Variants in NPAS3 observed in about 807,000 individuals in gnomAD.
The protein encoded by NPAS3 is neuronal PAS domain-containing protein 3.
Under a neutral mutation model 73.1 loss-of-function variants are expected in NPAS3, and 14 were observed. The observed-to-expected ratio is 0.19, with a 90% CI of 0.13 to 0.30. NPAS3 has a LOEUF of 0.30. NPAS3 is among the 10% of genes least tolerant of loss of function. The probability of loss-of-function intolerance (pLI) is 1.00; values close to 1 mark genes in which losing one functional copy is unlikely to be tolerated. For synonymous variants in NPAS3, 620 were observed against 541.5 expected (o/e 1.14, Z -2.01); for missense variants, 1,096 against 1,250.0 (o/e 0.88, Z 1.86).
At chr14:32,945,606 G>A (rs950823166) in intron 1 of NPAS3, among the ~76,000 whole-genome samples, 13 of 152,152 alleles carry the variant, frequency 8.5e-5, no homozygotes, top group African/African-American at 2.7e-4. Flanking sequence ...TAACACCAGT[G>A]TGGAAGGGCC....
chr14:33,680,671 A>C (rs1009741062), intron 6 of NPAS3: 5 of 702,346 alleles, frequency 7.1e-6, no homozygotes, highest in Non-Finnish European at 1.3e-5. Context: ...ACATGCCTGG[A>C]TCCTACTTCA....
chr14:32,964,098 A>C (rs891028363), intron 1 of NPAS3, among the ~76,000 whole-genome samples: 1 of 151,534 alleles, frequency 6.6e-6, no homozygotes, highest in African/African-American at 2.4e-5. Context: ...ATAATATCCA[A>C]AACAATATTA....
chr14:33,398,625 G>T (rs1024643198), intron 4 of NPAS3, among the ~76,000 whole-genome samples: 1 of 151,914 alleles, frequency 6.6e-6, no homozygotes, highest in African/African-American at 2.4e-5. Flanking sequence ...AATGTACTCT[G>T]GCCCTAAATA....
At chr14:33,147,007 C>T (rs779504636) in intron 2 of NPAS3, among the ~76,000 whole-genome samples, 2 of 151,920 alleles carry the variant, frequency 1.3e-5, no homozygotes, top group Non-Finnish European at 2.9e-5. Flanking sequence ...CAAATAATCA[C>T]TTCCTAATTT....
chr14:33,124,893 T>C (rs1337296723), intron 2 of NPAS3, among the ~76,000 whole-genome samples: 1 of 152,058 alleles, frequency 6.6e-6, no homozygotes. Context: ...AAGGTACCAT[T>C]AGCTTTTAGG....
intron 4 of NPAS3, among the ~76,000 whole-genome samples, chr14:33,483,450 C>T (rs1489779006): frequency 2.6e-5 from 4 of 152,168 alleles, no homozygotes; most frequent in Non-Finnish European, 4.4e-5. Flanking sequence ...AAGAGAACCA[C>T]GAAATGCGTC....
intron 1 of NPAS3, among the ~76,000 whole-genome samples, chr14:32,999,474 G>T (rs926480366): frequency 6.6e-6 from 1 of 151,562 alleles, no homozygotes; most frequent in Non-Finnish European, 1.5e-5. Context: ...TCACACCACT[G>T]CACTCCAGCC....
At chr14:33,132,905 T>C (rs2043695956) in intron 2 of NPAS3, among the ~76,000 whole-genome samples, 1 of 152,178 alleles carries the variant, frequency 6.6e-6, no homozygotes, top group African/African-American at 2.4e-5. Flanking sequence ...ATATGAACCA[T>C]GTGAAGTGGG....
chr14:33,775,833 T>C (rs570126638), intron 8 of NPAS3, among the ~76,000 whole-genome samples: 1 of 152,358 alleles, frequency 6.6e-6, no homozygotes, highest in South Asian at 2.1e-4. Flanking sequence ...TGGCAGTTCC[T>C]AATAAAGATG....
chr14:33,762,832 A>G (rs1490958098), intron 7 of NPAS3, among the ~76,000 whole-genome samples: 1 of 152,206 alleles, frequency 6.6e-6, no homozygotes, highest in African/African-American at 2.4e-5. Context: ...AGTGTTTTGA[A>G]TTGCATATGC....
At chr14:33,033,870 A>T (rs1386812153) in intron 1 of NPAS3, among the ~76,000 whole-genome samples, 2 of 152,254 alleles carry the variant, frequency 1.3e-5, no homozygotes. Context: ...TATTATAGGC[A>T]CAATTATCCA....
chr14:33,745,260 C>T lies in NPAS3; in HGVS notation c.852+9928C>T, dbSNP rs557040481. Among the ~76,000 whole-genome samples the T allele has an allele frequency of 2.0e-5, 3 of 152,186 alleles. No homozygotes were observed. The East Asian group carries it at 5.8e-4, about 29-fold the overall frequency. On this transcript the variant is annotated intron_variant, in intron 7 of 11. Coordinates refer to ENST00000356141, the Ensembl canonical transcript of NPAS3. The stretch of plus-strand genomic sequence containing the variant: ...CCAGACCAGAGAAGAACCACAGTAT[C>T]TGGGAAGTGCAATAATGTGAAACAC...
At chr14:33,571,194 C>T (rs1188193252) in intron 5 of NPAS3, among the ~76,000 whole-genome samples, 8 of 152,150 alleles carry the variant, frequency 5.3e-5, no homozygotes, top group Non-Finnish European at 1.0e-4. Context: ...ATCCAGGAGA[C>T]CTGGTTCTGG....
At chr14:33,752,556 C>T in intron 7 of NPAS3, among the ~76,000 whole-genome samples, 1 of 152,172 alleles carries the variant, frequency 6.6e-6, no homozygotes, top group East Asian at 1.9e-4. Context: ...AGCTGATGCA[C>T]AATAAACAAA....
chr14:33,532,507 T>A (rs549893505), intron 4 of NPAS3, among the ~76,000 whole-genome samples: 57 of 152,158 alleles, frequency 3.7e-4, no homozygotes, highest in African/African-American at 1.3e-3. Context: ...CTGTATTTCC[T>A]AAATTAAAAA....
At chr14:33,622,526 A>T (rs949823562) in intron 5 of NPAS3, among the ~76,000 whole-genome samples, 1 of 152,206 alleles carries the variant, frequency 6.6e-6, no homozygotes, top group African/African-American at 2.4e-5. Flanking sequence ...TAGTAAAAGG[A>T]ACAAACACTA....
intron 1 of NPAS3, among the ~76,000 whole-genome samples, chr14:32,992,631 C>A (rs980421148): frequency 6.6e-6 from 1 of 151,976 alleles, no homozygotes; most frequent in African/African-American, 2.4e-5. Flanking sequence ...AGTATAGTGA[C>A]CATATTTTCT....
At chr14:33,323,784 A>C (rs1186446176) in intron 3 of NPAS3, among the ~76,000 whole-genome samples, 3 of 152,246 alleles carry the variant, frequency 2.0e-5, no homozygotes, top group African/African-American at 7.2e-5. Context: ...TTACGCCATC[A>C]TTTAGTAAAA....
intron 4 of NPAS3, among the ~76,000 whole-genome samples, chr14:33,543,811 A>T (rs1480804153): frequency 6.6e-6 from 1 of 151,982 alleles, no homozygotes; most frequent in Non-Finnish European, 1.5e-5. Context: ...GCTGTTTGAT[A>T]TCAAAAACTC....
Sources: gnomAD v4.1 joint callset for allele counts (sites outside exome capture counted in the v4.1 genomes callset) on GRCh38, gnomAD v4.1.1 for gene constraint, MANE v1.5 for transcripts, NCBI Gene and HGNC (gene_info 2026-07-23, HGNC 2026-07-21) for gene names.